Variants in CTNNA3 observed in about 807,000 individuals in gnomAD.
CTNNA3 encodes catenin alpha 3.
Under a neutral mutation model 95.7 loss-of-function variants are expected in CTNNA3, and 76 were observed. The observed-to-expected ratio is 0.79, with a 90% confidence interval of 0.66 to 0.96. The LOEUF (loss-of-function observed/expected upper bound fraction) is 0.96. Among genes scored for constraint, CTNNA3 ranks in the 40% least tolerant of loss-of-function variants. The pLI is 0.00. For synonymous variants in CTNNA3, 431 were observed against 374.4 expected (o/e 1.15, Z -1.74); for missense variants, 1,191 against 1,089.8 (o/e 1.09, Z -1.31).
intron 11 of CTNNA3, among the ~76,000 whole-genome samples, chr10:66,410,073 C>T (rs2132592110): frequency 6.6e-6 from 1 of 152,288 alleles, no homozygotes; most frequent in East Asian, 1.9e-4. Context: ...CAGACAAATA[C>T]ATCTATATTT....
chr10:67,394,963 A>G (rs1403865263), intron 5 of CTNNA3, among the ~76,000 whole-genome samples: 1 of 152,160 alleles, frequency 6.6e-6, no homozygotes, highest in Admixed American at 6.6e-5. Context: ...GTTATTCACC[A>G]TCAACAAAAA....
chr10:67,684,304 G>T (rs984980716), intron 1 of CTNNA3, among the ~76,000 whole-genome samples: 1 of 152,096 alleles, frequency 6.6e-6, no homozygotes, highest in South Asian at 2.1e-4. Flanking sequence ...GTGCTGATTG[G>T]TGCATTTTTG....
intron 10 of CTNNA3, among the ~76,000 whole-genome samples, chr10:66,586,955 G>C (rs1303229881): frequency 6.6e-6 from 1 of 152,132 alleles, no homozygotes; most frequent in Non-Finnish European, 1.5e-5. Context: ...TGCTCCTCTA[G>C]GTCTAGCTGT....
At chr10:66,371,119 C>T (rs1456413549) in intron 12 of CTNNA3, among the ~76,000 whole-genome samples, 1 of 152,044 alleles carries the variant, frequency 6.6e-6, no homozygotes, top group East Asian at 1.9e-4. Context: ...GTACCCATTC[C>T]GTTGGATTTA....
intron 12 of CTNNA3, among the ~76,000 whole-genome samples, chr10:66,307,330 T>C (rs1025877501): frequency 6.6e-6 from 1 of 152,208 alleles, no homozygotes. Context: ...TTATAGTATC[T>C]GGAAAATGTT....
At chr10:67,727,624 G>A (rs1278677243) in intron 1 of CTNNA3, among the ~76,000 whole-genome samples, 1 of 122,724 alleles carries the variant, frequency 8.1e-6, no homozygotes, top group Admixed American at 9.5e-5. Flanking sequence ...GCAATATATG[G>A]TCTATTATAT....
At chr10:66,077,879 A>G in intron 14 of CTNNA3, among the ~76,000 whole-genome samples, 1 of 151,828 alleles carries the variant, frequency 6.6e-6, no homozygotes, top group Non-Finnish European at 1.5e-5. Flanking sequence ...TGTATATATA[A>G]TTATATATTG....
intron 15 of CTNNA3, among the ~76,000 whole-genome samples, chr10:66,019,294 C>A (rs2079153537): frequency 6.6e-6 from 1 of 152,146 alleles, no homozygotes; most frequent in African/African-American, 2.4e-5. Context: ...ACTCAGCCAG[C>A]TCTATCAGTA....
intron 7 of CTNNA3, among the ~76,000 whole-genome samples, chr10:67,177,352 T>C (rs1306750469): frequency 2.0e-5 from 3 of 152,296 alleles, no homozygotes; most frequent in Admixed American, 1.3e-4. Flanking sequence ...AAACATAAGC[T>C]GCATTCATTT....
chr10:66,950,577 T>C (rs1191381901), intron 7 of CTNNA3, among the ~76,000 whole-genome samples: 4 of 152,022 alleles, frequency 2.6e-5, no homozygotes, highest in African/African-American at 4.8e-5. Context: ...AAACATTGCA[T>C]TTAATATATT....
chr10:67,703,146 C>A (rs912708077), intron 1 of CTNNA3, among the ~76,000 whole-genome samples: 2 of 152,154 alleles, frequency 1.3e-5, no homozygotes, highest in African/African-American at 4.8e-5. Flanking sequence ...AGCTTACCCA[C>A]CAAAAAGAGT....
intron 10 of CTNNA3, among the ~76,000 whole-genome samples, chr10:66,597,719 A>G (rs141356571): frequency 2.0e-5 from 3 of 151,350 alleles, no homozygotes; most frequent in Non-Finnish European, 3.0e-5. Flanking sequence ...TGCGGATGAT[A>G]TACTCCAGGT....
intron 9 of CTNNA3, among the ~76,000 whole-genome samples, chr10:66,763,307 AAC>A (rs138081667): frequency 0.055 from 7,992 of 145,228 alleles, 343 homozygotes; most frequent in East Asian, 0.17. Flanking sequence ...TCATGAGATA[AAC>A]ACACACACAC....
chr10:65,973,390 A>G (rs373024078), intron 16 of CTNNA3, among the ~76,000 whole-genome samples: 8 of 152,294 alleles, frequency 5.3e-5, no homozygotes, highest in East Asian at 1.9e-4. Context: ...GCAACAAACT[A>G]TCAACAGAGT....
intron 13 of CTNNA3, among the ~76,000 whole-genome samples, chr10:66,165,479 G>T (rs2085080423): frequency 1.3e-5 from 2 of 151,996 alleles, no homozygotes; most frequent in Admixed American, 1.3e-4. Flanking sequence ...CAAAATAAAA[G>T]CTGAAATTAT....
intron 1 of CTNNA3, among the ~76,000 whole-genome samples, chr10:67,680,226 G>T (rs1840602000): frequency 6.6e-6 from 1 of 152,184 alleles, no homozygotes; most frequent in Non-Finnish European, 1.5e-5. Context: ...TCTAGGAAAG[G>T]TCCAGGGGGT....
intron 7 of CTNNA3, among the ~76,000 whole-genome samples, chr10:67,045,882 A>T (rs1185471886): frequency 6.6e-6 from 1 of 152,236 alleles, no homozygotes; most frequent in Non-Finnish European, 1.5e-5. Context: ...GGTCCCCCAA[A>T]TAATAAGCTG....
At chr10:66,225,503 A>G (rs1589782928) in intron 13 of CTNNA3, among the ~76,000 whole-genome samples, 2 of 149,904 alleles carry the variant, frequency 1.3e-5, no homozygotes, top group Non-Finnish European at 3.0e-5. Flanking sequence ...GGCTGATTCC[A>G]TATCTTGACT....
At chr10:66,187,788 T>C (rs562911692) in intron 13 of CTNNA3, among the ~76,000 whole-genome samples, 36 of 151,654 alleles carry the variant, frequency 2.4e-4, no homozygotes, top group Admixed American at 2.2e-3. Context: ...AAACCAATCA[T>C]AGGAAAAGGA....
Sources: gnomAD v4.1 joint callset for allele counts (sites outside exome capture counted in the v4.1 genomes callset) on GRCh38, gnomAD v4.1.1 for gene constraint, MANE v1.5 for transcripts, NCBI Gene and HGNC (gene_info 2026-07-23, HGNC 2026-07-21) for gene names.